The following SIRPA variants were observed in gnomAD, a reference collection of about 807,000 sequenced individuals.
SIRPA encodes the protein signal regulatory protein alpha, also known as tyrosine-protein phosphatase non-receptor type substrate 1.
SIRPA carries 9 observed loss-of-function variants against 50.3 expected under a neutral mutation model. The observed-to-expected ratio is 0.18, with a 90% CI of 0.11 to 0.31. The LOEUF (loss-of-function observed/expected upper bound fraction) is 0.31. Among genes scored for constraint, SIRPA ranks in the 10% least tolerant of loss-of-function variants. The pLI is 1.00. For missense variants in SIRPA, 474 were observed against 661.6 expected, an observed-to-expected ratio of 0.72 and a Z score of 3.11; for synonymous variants, 265 against 284.1, an observed-to-expected ratio of 0.93 and a Z score of 0.68.
At chr20:1,901,183 TTTTTTG>T in intron 1 of SIRPA, among the ~76,000 whole-genome samples, 1 of 142,602 alleles carries the variant, frequency 7.0e-6, no homozygotes, top group Non-Finnish European at 1.5e-5. Flanking sequence ...TTTTTTTTTT[TTTTTTG>T]AGACGGAGTC....
At position 1,936,764 on chromosome 20, in the gene SIRPA, A is replaced by G. The variant is rs1334979761; in HGVS notation, c.1267-556A>G. On this transcript the variant is annotated intron_variant, in intron 7 of 7. Transcript: ENST00000358771. The surrounding 1 kb of genome is among the most constrained non-coding windows in gnomAD (Gnocchi z 4.2). ...ATTAATGAATGTCCCCACACGTACC[A>G]CCATCAGCAGCACCTCCTCAGGCCC... is the stretch of plus-strand genomic sequence containing the variant. Among the ~76,000 whole-genome samples, 1 of 152,166 alleles carries G rather than the reference A, an allele frequency of 6.6e-6. No individual in the cohort carries two copies. Among genetic ancestry groups the G allele is most frequent in the East Asian group, 1.9e-4 (1 of 5,194 alleles).
chr20:1,922,440 C>T lies in SIRPA; in HGVS notation c.882C>T (p.Ser294=), dbSNP rs774336707. The change falls in exon 4 of 8, where the codon TCC becomes TCT. Residue 294 remains serine (S), a synonymous_variant. Transcript: ENST00000358771. ...QLTWLENGNV[S]RTETASTVTE... ...CCTGGTTGGAGAATGGAAACGTGTC[C>T]CGGACAGAAACGGCCTCAACCGTTA... The T allele has an allele frequency of 2.5e-6, 4 of 1,614,206 alleles. No individual in the cohort carries two copies. The highest frequency in any genetic ancestry group is 2.2e-5 in the East Asian group (1 of 44,872).
intron 1 of SIRPA, among the ~76,000 whole-genome samples, chr20:1,904,298 T>G (rs1231840487): frequency 6.6e-6 from 1 of 152,230 alleles, no homozygotes; most frequent in Non-Finnish European, 1.5e-5. Context: ...TGCCCAACTT[T>G]AGACACCATG....
At chr20:1,902,486 T>G (rs1364250562) in intron 1 of SIRPA, among the ~76,000 whole-genome samples, 1 of 152,262 alleles carries the variant, frequency 6.6e-6, no homozygotes, top group Non-Finnish European at 1.5e-5. Context: ...CAAATATTTT[T>G]GAGCACCTAC....
Position 1,928,085 on chromosome 20 carries a change from G to T in SIRPA, c.1226+186G>T, listed in dbSNP as rs1231543653. Among the ~76,000 whole-genome samples the T allele has an allele frequency of 4.6e-5, 7 of 152,166 alleles. No individual in the cohort carries two copies. The highest frequency in any genetic ancestry group is 1.9e-4 in the East Asian group (1 of 5,172). On this transcript the variant is annotated intron_variant, in intron 6 of 7. Coordinates refer to ENST00000358771, the MANE Select transcript of SIRPA (RefSeq NM_001040023.2). The surrounding 1 kb of genome is among the most constrained non-coding windows in gnomAD (Gnocchi z 4.9). ...TTTTAATTATTGTCCCAAATGAGGGGTTTTTTTGGTGCACAGAGGTGCTAA... is the reference window on the plus strand; with the variant it reads ...TTTTAATTATTGTCCCAAATGAGGGTTTTTTTTGGTGCACAGAGGTGCTAA...
At chr20:1,902,569 G>T (rs943155151) in intron 1 of SIRPA, among the ~76,000 whole-genome samples, 1 of 152,158 alleles carries the variant, frequency 6.6e-6, no homozygotes, top group Non-Finnish European at 1.5e-5. Flanking sequence ...ACCTGCTCTC[G>T]TGCAGCAGAC....
At chr20:1,907,479 A>T (rs1984615131) in intron 1 of SIRPA, among the ~76,000 whole-genome samples, 1 of 152,148 alleles carries the variant, frequency 6.6e-6, no homozygotes, top group Non-Finnish European at 1.5e-5. Flanking sequence ...CTCTACCCTG[A>T]GTCCTGTCAC....
intron 2 of SIRPA, 24 bp downstream of exon 2, chr20:1,915,479 T>C (rs2123099313): frequency 6.2e-7 from 1 of 1,612,916 alleles, no homozygotes. Context: ...GGGCCTCCTT[T>C]GCCTCTGGTT....
At chr20:1,931,518 C>A (rs1033496341) in intron 6 of SIRPA, among the ~76,000 whole-genome samples, 1 of 152,202 alleles carries the variant, frequency 6.6e-6, no homozygotes, top group African/African-American at 2.4e-5. Context: ...ACCAAGGGAG[C>A]CATGAGATCA....
intron 6 of SIRPA, among the ~76,000 whole-genome samples, chr20:1,931,328 G>C (rs1986286337): frequency 6.6e-6 from 1 of 152,170 alleles, no homozygotes; most frequent in Non-Finnish European, 1.5e-5. Flanking sequence ...GCTCAGAGAA[G>C]TCGTGACATT....
rs1042712707 is a variant in SIRPA at position 1,924,332 on chromosome 20, C to T, written c.1088-432C>T. ...CATGGCCCAGGTGCTGGGCACAGAC[C>T]GGTCGTCAGCCCCTGAGCTGTGCAG... On this transcript the variant is annotated intron_variant, in intron 4 of 7. Coordinates refer to ENST00000358771, the MANE Select transcript of SIRPA (RefSeq NM_001040023.2). This position sits in a 1 kb window ranked among gnomAD's most constrained non-coding sequence, Gnocchi z 4.5. Among the ~76,000 whole-genome samples, 2 of 152,182 alleles carry T rather than the reference C, an allele frequency of 1.3e-5. No individual in the cohort carries two copies. The highest frequency in any genetic ancestry group is 4.8e-5 in the African/African-American group (2 of 41,444).
At chr20:1,923,115 C>G (rs1985767780) in intron 4 of SIRPA, among the ~76,000 whole-genome samples, 1 of 152,216 alleles carries the variant, frequency 6.6e-6, no homozygotes, top group South Asian at 2.1e-4. Flanking sequence ...AGTGAACATC[C>G]TTGTGCATGT....
intron 2 of SIRPA, among the ~76,000 whole-genome samples, chr20:1,916,472 T>C (rs1014535179): frequency 3.3e-5 from 5 of 152,182 alleles, no homozygotes; most frequent in African/African-American, 1.2e-4. Context: ...TGGTGCATCA[T>C]AGGTGCCGAC....
intron 1 of SIRPA, among the ~76,000 whole-genome samples, chr20:1,909,651 A>G (rs937091328): frequency 3.9e-5 from 6 of 152,064 alleles, no homozygotes; most frequent in Non-Finnish European, 8.8e-5. Context: ...GTGTGGTGGC[A>G]GGCGCCTGCA....
intron 1 of SIRPA, among the ~76,000 whole-genome samples, chr20:1,903,567 C>T (rs1415290737): frequency 6.6e-6 from 1 of 152,208 alleles, no homozygotes; most frequent in East Asian, 1.9e-4. Context: ...TCCAGCATGG[C>T]ATTTCTGGAC....
At chr20:1,899,865 C>T (rs574891564) in intron 1 of SIRPA, among the ~76,000 whole-genome samples, 11 of 152,178 alleles carry the variant, frequency 7.2e-5, no homozygotes, top group Non-Finnish European at 1.2e-4. Context: ...TTAATTAATG[C>T]GTGTATAATG....
intron 1 of SIRPA, among the ~76,000 whole-genome samples, chr20:1,913,952 C>T (rs987233607): frequency 1.3e-5 from 2 of 152,136 alleles, no homozygotes; most frequent in Non-Finnish European, 2.9e-5. Context: ...GGCTCAGGCT[C>T]CTGCAGCCAA....
In SIRPA at chr20:1,921,412, G is replaced by C; in HGVS notation, c.454G>C (p.Val152Leu). The change falls in exon 3 of 8, where the codon GTG becomes CTG. Residue 152 changes from valine (V) to leucine (L), a missense_variant. This residue lies in a region of SIRPA where 221 missense variants were observed against 359.9 expected (regional missense o/e 0.61). Coordinates refer to ENST00000358771, the MANE Select transcript of SIRPA (RefSeq NM_001040023.2). ...TTTTGTAGCCAAACCCTCTGCCCCC[G>C]TGGTATCGGGCCCTGCGGCGAGGGC... The part of the protein sequence containing the change: ...LSVRAKPSAP[V>L]VSGPAARATP... The C allele has an allele frequency of 6.2e-7, 1 of 1,613,452 alleles. No homozygotes were observed. The highest frequency in any genetic ancestry group is 8.5e-7 in the Non-Finnish European group (1 of 1,179,476).
At chr20:1,907,618 C>T (rs573021342) in intron 1 of SIRPA, among the ~76,000 whole-genome samples, 1 of 152,368 alleles carries the variant, frequency 6.6e-6, no homozygotes, top group Non-Finnish European at 1.5e-5. Flanking sequence ...CACTCTCTTC[C>T]AGAACCCCAT....
Sources: gnomAD v4.1 joint callset for allele counts (sites outside exome capture counted in the v4.1 genomes callset) on GRCh38, gnomAD v4.1.1 for gene constraint, gnomAD v4.1.1 regional missense constraint, Gnocchi (gnomAD v3.1) non-coding constraint, MANE v1.5 for transcripts, NCBI Gene and HGNC (gene_info 2026-07-23, HGNC 2026-07-21) for gene names.